Variants in ITGBL1 observed in about 807,000 individuals in gnomAD.
ITGBL1 encodes integrin subunit beta like 1, also known as integrin beta-like protein 1.
A neutral mutation model predicts 68.5 loss-of-function variants in ITGBL1; 51 were observed. The observed-to-expected ratio is 0.74, with a 90% CI of 0.59 to 0.94. ITGBL1 has a LOEUF of 0.94. ITGBL1 is among the 40% of genes least tolerant of loss of function. The probability of loss-of-function intolerance (pLI) is 0.00; values close to 1 mark genes in which losing one functional copy is unlikely to be tolerated. For missense variants in ITGBL1, 649 were observed against 647.4 expected (o/e 1.00, Z -0.03); for synonymous variants, 209 against 227.3 (o/e 0.92, Z 0.72).
chr13:101,567,946 C>A, intron 3 of ITGBL1, 101 bp downstream of exon 3: 1 of 911,030 alleles, frequency 1.1e-6, no homozygotes, highest in Non-Finnish European at 1.7e-6. Context: ...CAGAGTGAGT[C>A]TGCTTTTGAG....
Position 101,601,007 on chromosome 13 carries a change from G to A in ITGBL1, c.1015+2708G>A, listed in dbSNP as rs1428525157. 2.6e-5 allele frequency among the ~76,000 whole-genome samples: 4 copies of A among 152,186 alleles called. No individual in the cohort carries two copies. In the East Asian group the frequency reaches 5.8e-4, roughly 22 times the overall value. The stretch of plus-strand genomic sequence containing the variant: ...TCTATTGATTGGAATAGTTTCAGAA[G>A]GAATGGTACCAGCTCCTCCTTGTAC... On this transcript the variant is annotated intron_variant, in intron 7 of 10. Transcript: ENST00000376180.
At chr13:101,705,301 A>AAAC (rs1555367868) in intron 8 of ITGBL1, among the ~76,000 whole-genome samples, 1 of 148,394 alleles carries the variant, frequency 6.7e-6, no homozygotes, top group East Asian at 1.9e-4. Context: ...GCAAAAAAAA[A>AAAC]AAAAAAAACA....
intron 9 of ITGBL1, among the ~76,000 whole-genome samples, chr13:101,709,181 A>C (rs897059187): frequency 4.0e-5 from 6 of 150,834 alleles, no homozygotes; most frequent in African/African-American, 1.5e-4. Context: ...CTGGCTAACA[A>C]GGTGAAACCC....
chr13:101,525,350 T>C (rs2049356219), intron 2 of ITGBL1, among the ~76,000 whole-genome samples: 1 of 152,132 alleles, frequency 6.6e-6, no homozygotes, highest in South Asian at 2.1e-4. Flanking sequence ...TGGCCTAAAC[T>C]ATTTTAAGAA....
At chr13:101,667,532 A>G (rs2033252052) in intron 7 of ITGBL1, among the ~76,000 whole-genome samples, 2 of 152,128 alleles carry the variant, frequency 1.3e-5, no homozygotes, top group African/African-American at 4.8e-5. Flanking sequence ...CAAAGTTGCT[A>G]GAGAAACTGC....
At chr13:101,643,393 GTGATTTTTGCACAT>G (rs2032455355) in intron 7 of ITGBL1, among the ~76,000 whole-genome samples, 1 of 150,590 alleles carries the variant, frequency 6.6e-6, no homozygotes. Flanking sequence ...AAGAATGCTT[GTGATTTTTGCACAT>G]TGATTTTGTA....
intron 7 of ITGBL1, among the ~76,000 whole-genome samples, chr13:101,664,483 T>C (rs2033165462): frequency 6.6e-6 from 1 of 152,182 alleles, no homozygotes; most frequent in South Asian, 2.1e-4. Context: ...CTTTTTTAAA[T>C]ATTGTTTAAT....
intron 2 of ITGBL1, among the ~76,000 whole-genome samples, chr13:101,487,385 T>G (rs2048716056): frequency 6.6e-6 from 1 of 152,176 alleles, no homozygotes; most frequent in African/African-American, 2.4e-5. Context: ...AAAACCCATA[T>G]TGGAGGTTTA....
At chr13:101,667,202 A>G (rs1183197094) in intron 7 of ITGBL1, among the ~76,000 whole-genome samples, 2 of 152,128 alleles carry the variant, frequency 1.3e-5, no homozygotes, top group African/African-American at 2.4e-5. Flanking sequence ...GCCATTATGG[A>G]GATTGTTTTG....
intron 2 of ITGBL1, among the ~76,000 whole-genome samples, chr13:101,463,487 A>C (rs1035474773): frequency 3.3e-5 from 5 of 152,166 alleles, no homozygotes; most frequent in African/African-American, 9.7e-5. Context: ...TTATATGATC[A>C]TAATTGATCT....
At chr13:101,628,315 G>T (rs77259175) in intron 7 of ITGBL1, among the ~76,000 whole-genome samples, 1 of 151,948 alleles carries the variant, frequency 6.6e-6, no homozygotes, top group Non-Finnish European at 1.5e-5. Context: ...TGAGTTTTAG[G>T]AGTTATTTGT....
chr13:101,598,013 A>C, intron 6 of ITGBL1, 140 bp from the exon 7 acceptor site: 1 of 684,528 alleles, frequency 1.5e-6, no homozygotes, highest in Non-Finnish European at 2.3e-6. Context: ...ATTTGAGAAA[A>C]ATGTGCGTTT....
At chr13:101,681,042 CTTCT>C (rs897530857) in intron 7 of ITGBL1, among the ~76,000 whole-genome samples, 2 of 152,126 alleles carry the variant, frequency 1.3e-5, no homozygotes, top group African/African-American at 4.8e-5. Context: ...TTAAAACATC[CTTCT>C]TTCTTTTGTA....
intron 7 of ITGBL1, among the ~76,000 whole-genome samples, chr13:101,649,690 T>C (rs1455898444): frequency 6.6e-6 from 1 of 152,220 alleles, no homozygotes; most frequent in Non-Finnish European, 1.5e-5. Context: ...CTTTGGCTGC[T>C]CTTACTGACC....
At chr13:101,494,214 G>A (rs2048822319) in intron 2 of ITGBL1, among the ~76,000 whole-genome samples, 2 of 152,108 alleles carry the variant, frequency 1.3e-5, no homozygotes. Context: ...TAAGTAAATT[G>A]AAACTCAGAG....
At chr13:101,539,050 CTTTTTTT>C (rs35288585) in intron 2 of ITGBL1, among the ~76,000 whole-genome samples, 1 of 99,624 alleles carries the variant, frequency 1.0e-5, no homozygotes, top group African/African-American at 3.8e-5. Context: ...TGTGCTGCTT[CTTTTTTT>C]TTTTTTTTTT....
intron 7 of ITGBL1, among the ~76,000 whole-genome samples, chr13:101,624,830 C>G (rs552459091): frequency 6.6e-6 from 1 of 152,142 alleles, no homozygotes; most frequent in Non-Finnish European, 1.5e-5. Flanking sequence ...TCATTCATGA[C>G]GTGGCTAACA....
At chr13:101,574,080 T>C (rs2050315621) in intron 3 of ITGBL1, among the ~76,000 whole-genome samples, 1 of 152,186 alleles carries the variant, frequency 6.6e-6, no homozygotes, top group Non-Finnish European at 1.5e-5. Flanking sequence ...CTAGTTTTTG[T>C]TACATGACAA....
At chr13:101,526,169 T>TA (rs1555356289) in intron 2 of ITGBL1, among the ~76,000 whole-genome samples, 1 of 150,944 alleles carries the variant, frequency 6.6e-6, no homozygotes, top group East Asian at 1.9e-4. Context: ...TTTTTTTTTT[T>TA]AAATACTTTA....
Sources: gnomAD v4.1 joint callset for allele counts (sites outside exome capture counted in the v4.1 genomes callset) on GRCh38, gnomAD v4.1.1 for gene constraint, MANE v1.5 for transcripts, NCBI Gene and HGNC (gene_info 2026-07-23, HGNC 2026-07-21) for gene names.